SLC22A24: variants seen among roughly 807,000 people sequenced by gnomAD.
The protein encoded by SLC22A24 is steroid transmembrane transporter SLC22A24.
Under a neutral mutation model 49.8 loss-of-function variants are expected in SLC22A24, and 53 were observed. The ratio of observed to expected loss-of-function variants is 1.06; its 90% CI spans 0.85 to 1.34. The LOEUF (loss-of-function observed/expected upper bound fraction) is 1.34, where lower values mean the gene tolerates loss of function less well. Ranked by LOEUF, SLC22A24 falls within the 40% of genes most tolerant of loss-of-function variation. The pLI is 0.00. For missense variants in SLC22A24, 786 were observed against 675.9 expected, an observed-to-expected ratio of 1.16 and a Z score of -1.81; for synonymous variants, 302 against 256.4, an observed-to-expected ratio of 1.18 and a Z score of -1.70.
intron 1 of SLC22A24, among the ~76,000 whole-genome samples, chr11:63,138,302 G>A (rs559765717): frequency 6.6e-6 from 1 of 152,242 alleles, no homozygotes; most frequent in East Asian, 1.9e-4. Context: ...TCATGTCATA[G>A]TCCTACAATT....
intron 2 of SLC22A24, among the ~76,000 whole-genome samples, chr11:63,124,974 G>A: frequency 6.6e-6 from 1 of 151,130 alleles, no homozygotes; most frequent in Non-Finnish European, 1.5e-5. Context: ...GAGTGGGGAG[G>A]GATAGCATTA....
At position 63,119,270 on chromosome 11, in the gene SLC22A24, G is replaced by A; in HGVS notation, c.572C>T (p.Ala191Val). The A allele has an allele frequency of 1.9e-6, 3 of 1,551,460 alleles. No individual in the cohort carries two copies. The highest frequency in any genetic ancestry group is 2.4e-5 in the East Asian group (1 of 40,918). Residue 191 changes from alanine to valine, a missense_variant, in exon 3 of 10, where the codon GCC becomes GTC. Physicochemically the swap from Ala to Val is moderately conservative, Grantham distance 64. Transcript: ENST00000612278. ...LQLAISNTCA[A>V]FAPTFLVYCI... ...GTAAACAAGGAAGGTGGGAGCGAAG[G>A]CCGCACAGGTGTTAGAGATGGCCAG...
chr11:63,136,281 C>T (rs1364471980), intron 1 of SLC22A24, among the ~76,000 whole-genome samples: 2 of 152,174 alleles, frequency 1.3e-5, no homozygotes, highest in Non-Finnish European at 2.9e-5. Context: ...GGTTGTCTGT[C>T]GCTGGTCTGA....
chr11:63,138,833 A>G (rs2087394282), intron 1 of SLC22A24, among the ~76,000 whole-genome samples: 1 of 150,592 alleles, frequency 6.6e-6, no homozygotes, highest in South Asian at 2.1e-4. Context: ...TTGCCATTTA[A>G]TAAGGTTTTT....
intron 6 of SLC22A24, among the ~76,000 whole-genome samples, chr11:63,093,091 C>T (rs977777879): frequency 6.6e-6 from 1 of 152,120 alleles, no homozygotes; most frequent in African/African-American, 2.4e-5. Context: ...TGAAAAAAAG[C>T]TCATCGTCAC....
At chr11:63,133,877 C>G (rs966798264) in intron 2 of SLC22A24, among the ~76,000 whole-genome samples, 2 of 152,042 alleles carry the variant, frequency 1.3e-5, no homozygotes, top group Non-Finnish European at 2.9e-5. Flanking sequence ...ACTCCTTACC[C>G]CAAGTGATTC....
At chr11:63,095,548 G>A (rs187936557) in intron 6 of SLC22A24, among the ~76,000 whole-genome samples, 80 of 152,194 alleles carry the variant, frequency 5.3e-4, no homozygotes, top group African/African-American at 1.8e-3. Flanking sequence ...TTTTGGAGAA[G>A]TATTAACTAG....
At chr11:63,095,302 C>T (rs1360663610) in intron 6 of SLC22A24, among the ~76,000 whole-genome samples, 3 of 151,914 alleles carry the variant, frequency 2.0e-5, no homozygotes, top group African/African-American at 4.8e-5. Context: ...TCATAATAGC[C>T]CACAAGTGGA....
chr11:63,088,190 G>T (rs1370471743), intron 6 of SLC22A24, among the ~76,000 whole-genome samples: 1 of 152,228 alleles, frequency 6.6e-6, no homozygotes, highest in Non-Finnish European at 1.5e-5. Flanking sequence ...GTTGGCATCA[G>T]GCTGGTGCCC....
chr11:63,102,092 A>G (rs1007412373), intron 5 of SLC22A24, among the ~76,000 whole-genome samples: 4 of 152,150 alleles, frequency 2.6e-5, no homozygotes, highest in African/African-American at 9.6e-5. Context: ...AAATAGAATA[A>G]TTGAATTGTT....
intron 9 of SLC22A24, 51 bp downstream of exon 9, chr11:63,080,869 T>A: frequency 6.8e-7 from 1 of 1,476,108 alleles, no homozygotes; most frequent in Non-Finnish European, 9.2e-7. Context: ...ATTAAACAGC[T>A]ACAGCACATA....
At chr11:63,097,952 G>A (rs747264373) in intron 5 of SLC22A24, among the ~76,000 whole-genome samples, 6 of 152,056 alleles carry the variant, frequency 3.9e-5, no homozygotes, top group Admixed American at 6.6e-5. Flanking sequence ...AAAGCATTAG[G>A]ACAAATACCT....
chr11:63,137,216 G>C (rs2087381713), intron 1 of SLC22A24, among the ~76,000 whole-genome samples: 1 of 152,196 alleles, frequency 6.6e-6, no homozygotes, highest in Non-Finnish European at 1.5e-5. Flanking sequence ...CCTTAATCAG[G>C]AAGATTTCAA....
At chr11:63,099,604 CCAGA>C (rs950220945) in intron 5 of SLC22A24, among the ~76,000 whole-genome samples, 34 of 151,836 alleles carry the variant, frequency 2.2e-4, no homozygotes, top group African/African-American at 7.7e-4. Flanking sequence ...GATACCCAAA[CCAGA>C]CAGAGACAGA....
chr11:63,129,543 A>G (rs774413256), intron 2 of SLC22A24, among the ~76,000 whole-genome samples: 14 of 152,256 alleles, frequency 9.2e-5, no homozygotes, highest in Non-Finnish European at 1.6e-4. Flanking sequence ...TGGGGATGGC[A>G]TTGAATCTAT....
chr11:63,091,892 G>T (rs1441956515), intron 6 of SLC22A24, among the ~76,000 whole-genome samples: 14 of 152,106 alleles, frequency 9.2e-5, no homozygotes, highest in Non-Finnish European at 1.3e-4. Flanking sequence ...ACATAGTATT[G>T]GAAGTTCTGG....
chr11:63,124,154 G>C (rs2087271822), intron 2 of SLC22A24, among the ~76,000 whole-genome samples: 1 of 152,152 alleles, frequency 6.6e-6, no homozygotes, highest in African/African-American at 2.4e-5. Flanking sequence ...TTGATGTCTT[G>C]AAGACTAGCA....
intron 6 of SLC22A24, among the ~76,000 whole-genome samples, chr11:63,084,938 A>ATTTTTTTTTT (rs35160977): frequency 6.8e-6 from 1 of 146,562 alleles, no homozygotes; most frequent in Non-Finnish European, 1.5e-5. Context: ...AGAGGATGGG[A>ATTTTTTTTTT]TTTTTTTTTT....
chr11:63,138,256 T>G (rs549580571), intron 1 of SLC22A24, among the ~76,000 whole-genome samples: 38 of 152,178 alleles, frequency 2.5e-4, no homozygotes, highest in Non-Finnish European at 5.1e-4. Context: ...TTCTTTCTTT[T>G]TGTTTCCACC....
Sources: gnomAD v4.1 joint callset for allele counts (sites outside exome capture counted in the v4.1 genomes callset) on GRCh38, gnomAD v4.1.1 for gene constraint, MANE v1.5 for transcripts, NCBI Gene and HGNC (gene_info 2026-07-23, HGNC 2026-07-21) for gene names.